CREB5: variants seen among roughly 807,000 people sequenced by gnomAD.
CREB5 encodes cAMP responsive element binding protein 5.
A neutral mutation model predicts 57.1 loss-of-function variants in CREB5; 19 were observed. The ratio of observed to expected loss-of-function variants is 0.33; its 90% CI spans 0.23 to 0.49. CREB5 has a LOEUF of 0.49. Among genes scored for constraint, CREB5 ranks in the 20% least tolerant of loss-of-function variants. CREB5 has a pLI of 0.99. For missense variants in CREB5, 579 were observed against 671.6 expected (o/e 0.86, Z 1.52); for synonymous variants, 238 against 238.3 (o/e 1.00, Z 0.01).
At chr7:28,603,439 A>C (rs942785102) in intron 5 of CREB5, among the ~76,000 whole-genome samples, 23 of 152,204 alleles carry the variant, frequency 1.5e-4, no homozygotes, top group African/African-American at 5.1e-4. Flanking sequence ...AAAATTGGGC[A>C]GTCACTCATC....
intron 7 of CREB5, among the ~76,000 whole-genome samples, chr7:28,784,705 C>G (rs1807209309): frequency 6.6e-6 from 1 of 152,016 alleles, no homozygotes. Flanking sequence ...TGGTTTAAGC[C>G]CACAGGATTC....
At chr7:28,440,523 T>C (rs1478008675) in intron 1 of CREB5, among the ~76,000 whole-genome samples, 1 of 152,206 alleles carries the variant, frequency 6.6e-6, no homozygotes, top group Admixed American at 6.5e-5. Context: ...AGTCCTGCCC[T>C]GGCTTTTCCG....
At chr7:28,309,499 G>A (rs1209484675) in intron 1 of CREB5, among the ~76,000 whole-genome samples, 3 of 152,034 alleles carry the variant, frequency 2.0e-5, no homozygotes, top group Non-Finnish European at 4.4e-5. Context: ...AGGCTTCCCT[G>A]GACCCAGGCC....
At chr7:28,725,793 G>T (rs1803306747) in intron 7 of CREB5, among the ~76,000 whole-genome samples, 1 of 152,066 alleles carries the variant, frequency 6.6e-6, no homozygotes, top group African/African-American at 2.4e-5. Flanking sequence ...ACTCCCTGTG[G>T]TTTACTTTGG....
chr7:28,372,934 T>C (rs949930826), intron 1 of CREB5, among the ~76,000 whole-genome samples: 2 of 152,234 alleles, frequency 1.3e-5, no homozygotes, highest in African/African-American at 4.8e-5. Flanking sequence ...TTTGTCATGC[T>C]GCATTAGCAG....
At chr7:28,415,436 C>T (rs1473121585) in intron 1 of CREB5, among the ~76,000 whole-genome samples, 2 of 152,102 alleles carry the variant, frequency 1.3e-5, no homozygotes, top group African/African-American at 4.8e-5. Context: ...GACTTTGTAT[C>T]CTTCACTCTT....
At chr7:28,517,861 G>A (rs555721358) in intron 4 of CREB5, among the ~76,000 whole-genome samples, 1 of 152,272 alleles carries the variant, frequency 6.6e-6, no homozygotes, top group South Asian at 2.1e-4. Context: ...CTCGGGTGAA[G>A]CAGAATTCCA....
At chr7:28,704,184 T>C (rs1354587064) in intron 5 of CREB5, among the ~76,000 whole-genome samples, 1 of 152,218 alleles carries the variant, frequency 6.6e-6, no homozygotes, top group Non-Finnish European at 1.5e-5. Context: ...AAATTACTTA[T>C]TCTAGTGCAC....
chr7:28,512,008 G>A (rs1399791451), intron 4 of CREB5, among the ~76,000 whole-genome samples: 1 of 152,198 alleles, frequency 6.6e-6, no homozygotes, highest in Non-Finnish European at 1.5e-5. Flanking sequence ...GAGCCAACAG[G>A]ATTTGCTGAT....
chr7:28,769,188 G>T (rs1247121013), intron 7 of CREB5, among the ~76,000 whole-genome samples: 1 of 152,150 alleles, frequency 6.6e-6, no homozygotes, highest in African/African-American at 2.4e-5. Context: ...CTTTGACCAG[G>T]CCTGAAACTA....
intron 4 of CREB5, among the ~76,000 whole-genome samples, chr7:28,543,846 T>C (rs552713050): frequency 4.0e-5 from 6 of 151,822 alleles, no homozygotes; most frequent in Admixed American, 3.3e-4. Context: ...GGAAGCACTC[T>C]GGACCAGGTG....
At chr7:28,322,519 G>T (rs1228862084) in intron 1 of CREB5, among the ~76,000 whole-genome samples, 1 of 152,040 alleles carries the variant, frequency 6.6e-6, no homozygotes, top group East Asian at 1.9e-4. Context: ...ATGGTGGTTT[G>T]TTGCACCTAT....
chr7:28,585,368 C>G (rs1177573584), intron 5 of CREB5, among the ~76,000 whole-genome samples: 1 of 152,104 alleles, frequency 6.6e-6, no homozygotes, highest in Non-Finnish European at 1.5e-5. Flanking sequence ...CCAGGGTGGG[C>G]CTTGTTTTTC....
At position 28,570,382 on chromosome 7, in the gene CREB5, T is replaced by C. The variant is rs994518591; in HGVS notation, c.309T>C (p.Asn103=). The part of the protein sequence containing the change: ...ESSKRNISMH[N]AVGGAMTGPG... Reference sequence around the variant, plus strand: ...CTGGGCAGAATATCTCGATGCATAATGCAGTTGGTGGGGCCATGACGGGGC... The same window carrying C: ...CTGGGCAGAATATCTCGATGCATAACGCAGTTGGTGGGGCCATGACGGGGC... The change falls in exon 5 of 11, where the codon AAT becomes AAC. Residue 103 remains asparagine (N), a synonymous_variant. Transcript: ENST00000357727. The C allele has an allele frequency of 5.4e-5, 87 of 1,613,774 alleles. No individual in the cohort carries two copies. Among genetic ancestry groups the C allele is most frequent in the Non-Finnish European group, 7.3e-5 (86 of 1,179,822 alleles).
rs114512038 is a variant in CREB5 at position 28,610,362 on chromosome 7, G to A, written c.464+39825G>A. Among the ~76,000 whole-genome samples the A allele has an allele frequency of 9.1e-4, 139 of 152,224 alleles. 1 individual carries two copies. The highest frequency in any genetic ancestry group is 3.4e-3 in the Middle Eastern group (1 of 294). On this transcript the variant is annotated intron_variant, in intron 5 of 10. Transcript: ENST00000357727. The stretch of plus-strand genomic sequence containing the variant: ...CTTAGTGACCACAATTCAATTATAA[G>A]CACCACACAACCATCCTGAGTGACT...
At chr7:28,410,482 T>C, upstream of CREB5, 1 of 456,696 alleles carries the variant, frequency 2.2e-6, no homozygotes, top group Non-Finnish European at 4.4e-6. Context: ...GGAGATGTTT[T>C]CTCTCAGCAG....
At chr7:28,680,836 A>G (rs918946644) in intron 5 of CREB5, among the ~76,000 whole-genome samples, 2 of 151,298 alleles carry the variant, frequency 1.3e-5, no homozygotes, top group Non-Finnish European at 2.9e-5. Flanking sequence ...TGTAGTGCCC[A>G]CTCTAGTCAT....
intron 5 of CREB5, among the ~76,000 whole-genome samples, chr7:28,707,233 G>T (rs956754303): frequency 6.6e-6 from 1 of 152,122 alleles, no homozygotes; most frequent in Non-Finnish European, 1.5e-5. Context: ...TAAAATGACA[G>T]TTGTATTAAC....
intron 7 of CREB5, among the ~76,000 whole-genome samples, chr7:28,787,141 G>A (rs529341858): frequency 6.6e-6 from 1 of 152,284 alleles, no homozygotes; most frequent in South Asian, 2.1e-4. Context: ...GTCCCCAGCT[G>A]AGAAGAGACA....
Sources: allele counts gnomAD v4.1 joint callset (sites outside exome capture counted in the v4.1 genomes callset), GRCh38; gene constraint gnomAD v4.1.1; transcripts MANE v1.5; gene names NCBI Gene and HGNC (gene_info 2026-07-23, HGNC 2026-07-21).